The following KDM5A variants were observed in gnomAD, a reference collection of about 807,000 sequenced individuals.
KDM5A encodes the protein lysine-specific demethylase 5A.
Under a neutral mutation model 193.5 loss-of-function variants are expected in KDM5A, and 42 were observed. That is an observed-to-expected ratio of 0.22 (90% confidence interval 0.17 to 0.28). The LOEUF is 0.28. KDM5A is among the 10% of genes least tolerant of loss of function. The probability of loss-of-function intolerance (pLI) is 1.00; values close to 1 mark genes in which losing one functional copy is unlikely to be tolerated. For missense variants in KDM5A, 1,692 were observed against 2,055.1 expected, an observed-to-expected ratio of 0.82 and a Z score of 3.42; for synonymous variants, 796 against 718.1, an observed-to-expected ratio of 1.11 and a Z score of -1.73.
At chr12:366,842 A>C (rs990182302) in intron 3 of KDM5A, among the ~76,000 whole-genome samples, 2 of 152,244 alleles carry the variant, frequency 1.3e-5, no homozygotes, top group African/African-American at 4.8e-5. Flanking sequence ...CATGCACTGC[A>C]TAACATTTTG....
At chr12:377,236 G>A (rs917164745) in intron 3 of KDM5A, among the ~76,000 whole-genome samples, 9 of 151,824 alleles carry the variant, frequency 5.9e-5, no homozygotes, top group Admixed American at 5.3e-4. Context: ...AAAAGCTATA[G>A]GTAAGTAAAC....
At chr12:360,615 T>C (rs767769140) in intron 5 of KDM5A, among the ~76,000 whole-genome samples, 2 of 152,186 alleles carry the variant, frequency 1.3e-5, no homozygotes, top group African/African-American at 4.8e-5. Flanking sequence ...AGTGGTAACT[T>C]GGACAGTGCA....
intron 3 of KDM5A, among the ~76,000 whole-genome samples, chr12:377,746 G>A (rs1944525159): frequency 1.3e-5 from 2 of 152,074 alleles, no homozygotes; most frequent in Non-Finnish European, 2.9e-5. Context: ...AGTAAACCAA[G>A]TAAAAGGAAG....
chr12:280,397 A>G lies in KDM5A; in HGVS notation c.*5059T>C, dbSNP rs1943143316. On this transcript the variant is annotated 3_prime_UTR_variant, in exon 28 of 28. Coordinates refer to ENST00000399788, the MANE Select transcript of KDM5A (RefSeq NM_001042603.3). Reference sequence around the variant, plus strand: ...GGACTTGCCACCTTAAGAAACTTCAAGTGTATCTTTTTGTTGGCAAGAAAA... The same window carrying G: ...GGACTTGCCACCTTAAGAAACTTCAGGTGTATCTTTTTGTTGGCAAGAAAA... 1 of 232,872 alleles carries G rather than the reference A, an allele frequency of 4.3e-6. No individual in the cohort carries two copies. Among genetic ancestry groups the G allele is most frequent in the Non-Finnish European group, 8.5e-6 (1 of 117,966 alleles). The allele number at this position is 232,872 out of a possible 1,614,324, so 14.4% of individuals were successfully genotyped here.
Position 349,564 on chromosome 12 carries a change from G to A in KDM5A, c.1308+1057C>T, listed in dbSNP as rs577658280. On this transcript the variant is annotated intron_variant, in intron 10 of 27. Coordinates refer to ENST00000399788, the MANE Select transcript of KDM5A (RefSeq NM_001042603.3). ...AGGCTGGTCTTGAACTCCTGACCTCGTGATCCACCCACCTCGGCCTCACAA... is the reference window on the plus strand; with the variant it reads ...AGGCTGGTCTTGAACTCCTGACCTCATGATCCACCCACCTCGGCCTCACAA... Among the ~76,000 whole-genome samples, 6 of 151,466 alleles carry A rather than the reference G, an allele frequency of 4.0e-5. No individual in the cohort carries two copies. The South Asian group carries it at 1.3e-3, about 32-fold the overall frequency.
intron 27 of KDM5A, chr12:286,259 A>G (rs1180717226): frequency 4.2e-6 from 2 of 471,678 alleles, no homozygotes; most frequent in African/African-American, 2.0e-5. Flanking sequence ...TTAACCAATT[A>G]TAACAGTCAA....
At chr12:312,662 G>A (rs915226493) in intron 20 of KDM5A, among the ~76,000 whole-genome samples, 5 of 152,062 alleles carry the variant, frequency 3.3e-5, no homozygotes, top group South Asian at 2.1e-4. Context: ...GTTATGTCCC[G>A]TCGTAAGGTG....
intron 1 of KDM5A, chr12:387,330 A>G (rs1944649150): frequency 3.3e-6 from 1 of 303,124 alleles, no homozygotes; most frequent in Admixed American, 5.1e-5. Flanking sequence ...TGACATAAAG[A>G]GAAAGCATTA....
At position 323,495 on chromosome 12, in the gene KDM5A, T is replaced by C. The variant is rs893049814; in HGVS notation, c.2150+105A>G. ...AAGCCTAGAAGTAGACAGTGAAGTT[T>C]AGAAGTCCAGAGTAAAGGAGTAAAG... On this transcript the variant is annotated intron_variant, in intron 15 of 27. Transcript: ENST00000399788. The C allele has an allele frequency of 7.5e-6, 9 of 1,202,844 alleles. No homozygotes were observed. In the African/African-American group the frequency reaches 1.1e-4, roughly 14 times the overall value. The allele number at this position is 1,202,844 out of a possible 1,614,324, so 74.5% of individuals were successfully genotyped here.
Position 283,085 on chromosome 12 carries a change from A to G in KDM5A, c.*2371T>C, listed in dbSNP as rs991374764. 2 of 230,978 alleles carry G rather than the reference A, an allele frequency of 8.7e-6. No individual in the cohort carries two copies. The highest frequency in any genetic ancestry group is 5.6e-5 in the Admixed American group (1 of 17,734). The allele number at this position is 230,978 out of a possible 1,614,324, so 14.3% of individuals were successfully genotyped here. ...GACAGGAAGCTATTCATACTTTCTC[A>G]GCATCCTCATGACTCTCCACTGATA... On this transcript the variant is annotated 3_prime_UTR_variant, in exon 28 of 28. Coordinates refer to ENST00000399788, the MANE Select transcript of KDM5A (RefSeq NM_001042603.3).
rs554061486 is a variant in KDM5A, at chr12:315,114, G to A, written c.2898-1920C>T. 3.9e-5 allele frequency among the ~76,000 whole-genome samples: 6 copies of A among 152,276 alleles called. No homozygotes were observed. In the East Asian group the frequency reaches 9.7e-4, roughly 24 times the overall value. The stretch of plus-strand genomic sequence containing the variant: ...AGCTTGTCTTGTCTAGGCAAGCTAC[G>A]ACAGCAGCCTGAGTGGAATGAGAGA... On this transcript the variant is annotated intron_variant, in intron 19 of 27. Transcript: ENST00000399788.
intron 3 of KDM5A, among the ~76,000 whole-genome samples, chr12:372,274 T>C (rs1325074659): frequency 6.6e-6 from 1 of 152,230 alleles, no homozygotes; most frequent in South Asian, 2.1e-4. Flanking sequence ...TTTTATTTCA[T>C]TGAGCAGTGG....
intron 15 of KDM5A, among the ~76,000 whole-genome samples, 162 bp downstream of exon 15, chr12:323,438 G>C (rs1307053407): frequency 6.6e-6 from 1 of 152,116 alleles, no homozygotes; most frequent in Non-Finnish European, 1.5e-5. Context: ...TCAGCTGCCA[G>C]GTTTAGGGCC....
intron 20 of KDM5A, chr12:311,328 T>C: frequency 2.2e-6 from 1 of 454,724 alleles, no homozygotes; most frequent in Non-Finnish European, 4.0e-6. Flanking sequence ...CAAAGGACAA[T>C]CTAAAGCACA....
Position 384,158 on chromosome 12 carries a change from G to A in KDM5A, c.244-5C>T. On this transcript the variant is annotated splice_region_variant and splice_polypyrimidine_tract_variant and intron_variant, in intron 2 of 27. Coordinates refer to ENST00000399788, the MANE Select transcript of KDM5A (RefSeq NM_001042603.3). ...CAATCTCACTCTGGTCATTGCCTAA[G>A]ATTATTAAAATACAGAAGAACTAAG... 3.8e-6 allele frequency: 6 copies of A among 1,588,588 alleles called. No individual in the cohort carries two copies. The highest frequency in any genetic ancestry group is 1.7e-4 in the Middle Eastern group (1 of 6,010).
chr12:316,925 C>G (rs989758284), intron 19 of KDM5A, among the ~76,000 whole-genome samples: 1 of 152,144 alleles, frequency 6.6e-6, no homozygotes, highest in Non-Finnish European at 1.5e-5. Flanking sequence ...GTGGAAGATA[C>G]TTTAAATTTC....
At chr12:357,926 C>T (rs1944247378) in intron 5 of KDM5A, among the ~76,000 whole-genome samples, 1 of 148,112 alleles carries the variant, frequency 6.8e-6, no homozygotes, top group African/African-American at 2.5e-5. Flanking sequence ...CTAGACTCTG[C>T]AACAGCCATA....
intron 11 of KDM5A, 113 bp downstream of exon 11, chr12:334,128 T>C: frequency 2.0e-6 from 2 of 1,006,938 alleles, no homozygotes; most frequent in East Asian, 2.5e-5. Context: ...CTAGAAATTA[T>C]TGAAACCTTA....
chr12:307,663 G>A lies in KDM5A; in HGVS notation c.3721C>T (p.Pro1241Ser), dbSNP rs2137388410. ...VSLQKLPVRL[P>S]EGEALQCLTE... ...AAACACTGCAGGGCCTCTCCTTCAG[G>A]CAACCGTACGGGCAACTTCTGAAGG... Residue 1241 changes from proline to serine, a missense_variant, in exon 23 of 28, where the codon CCT becomes TCT. Transcript: ENST00000399788. The surrounding 1 kb of genome is among the most constrained non-coding windows in gnomAD (Gnocchi z 4.3). 6.2e-7 allele frequency: 1 copy of A among 1,614,182 alleles called. No homozygotes were observed. Among genetic ancestry groups the A allele is most frequent in the Non-Finnish European group, 8.5e-7 (1 of 1,180,024 alleles).
Sources: gnomAD v4.1 joint callset for allele counts (sites outside exome capture counted in the v4.1 genomes callset) on GRCh38, gnomAD v4.1.1 for gene constraint, Gnocchi (gnomAD v3.1) non-coding constraint, MANE v1.5 for transcripts, NCBI Gene and HGNC (gene_info 2026-07-23, HGNC 2026-07-21) for gene names.